Variants in KCNQ3 observed in about 807,000 individuals in gnomAD.
The protein encoded by KCNQ3 is potassium voltage-gated channel subfamily Q member 3.
In KCNQ3, 30 loss-of-function variants were observed where a neutral mutation model predicts 92.5. That is an observed-to-expected ratio of 0.32 (90% CI 0.24 to 0.44). The LOEUF is 0.44. Among genes scored for constraint, KCNQ3 ranks in the 20% least tolerant of loss-of-function variants. KCNQ3 has a pLI of 1.00. For synonymous variants in KCNQ3, 450 were observed against 468.8 expected (o/e 0.96, Z 0.52); for missense variants, 913 against 1,140.3 (o/e 0.80, Z 2.87).
At chr8:132,357,138 C>T (rs1262280868) in intron 1 of KCNQ3, among the ~76,000 whole-genome samples, 2 of 152,136 alleles carry the variant, frequency 1.3e-5, no homozygotes, top group African/African-American at 4.8e-5. Flanking sequence ...CAGAGAATAC[C>T]ATGCTACTCA....
chr8:132,470,846 G>A (rs1822284128), intron 1 of KCNQ3, among the ~76,000 whole-genome samples: 1 of 152,118 alleles, frequency 6.6e-6, no homozygotes, highest in Admixed American at 6.5e-5. Flanking sequence ...GAAGCCTTTG[G>A]AAGAGACCAT....
intron 9 of KCNQ3, among the ~76,000 whole-genome samples, chr8:132,145,423 T>C (rs1156285695): frequency 6.6e-6 from 1 of 152,148 alleles, no homozygotes; most frequent in African/African-American, 2.4e-5. Flanking sequence ...GAGAACTGAG[T>C]TCCAATCTCT....
intron 1 of KCNQ3, among the ~76,000 whole-genome samples, chr8:132,280,846 A>G (rs1816492584): frequency 6.6e-6 from 1 of 152,236 alleles, no homozygotes; most frequent in Non-Finnish European, 1.5e-5. Context: ...TTTGTCACGT[A>G]GTTGGCAGAG....
intron 1 of KCNQ3, among the ~76,000 whole-genome samples, chr8:132,309,630 C>T (rs1012656596): frequency 2.0e-5 from 3 of 152,200 alleles, no homozygotes; most frequent in South Asian, 4.1e-4. Flanking sequence ...TAGCAAGGAC[C>T]ACACACTAGA....
At chr8:132,281,500 AATATGC>A (rs1181080633) in intron 1 of KCNQ3, among the ~76,000 whole-genome samples, 15 of 151,222 alleles carry the variant, frequency 9.9e-5, no homozygotes, top group African/African-American at 3.2e-4. Flanking sequence ...GTATACATGG[AATATGC>A]ATATATATGG....
chr8:132,301,520 T>C (rs1230017192), intron 1 of KCNQ3, among the ~76,000 whole-genome samples: 1 of 152,150 alleles, frequency 6.6e-6, no homozygotes, highest in African/African-American at 2.4e-5. Context: ...GGTCCATAAT[T>C]AAACAACTAA....
chr8:132,403,263 C>T (rs113152345), intron 1 of KCNQ3, among the ~76,000 whole-genome samples: 3 of 152,014 alleles, frequency 2.0e-5, no homozygotes, highest in African/African-American at 7.2e-5. Flanking sequence ...AGAGCCATGA[C>T]CTTGGGCCCT....
At chr8:132,423,990 G>A (rs1821041273) in intron 1 of KCNQ3, among the ~76,000 whole-genome samples, 1 of 152,120 alleles carries the variant, frequency 6.6e-6, no homozygotes, top group African/African-American at 2.4e-5. Context: ...AAAAGCTGCA[G>A]GACTATCTTA....
chr8:132,260,842 C>T (rs1204514064), intron 1 of KCNQ3, among the ~76,000 whole-genome samples: 2 of 152,046 alleles, frequency 1.3e-5, no homozygotes, highest in African/African-American at 4.8e-5. Context: ...TCCAACCATC[C>T]ATCCAAACAT....
chr8:132,153,021 A>G (rs893846004), intron 9 of KCNQ3, among the ~76,000 whole-genome samples: 1 of 152,106 alleles, frequency 6.6e-6, no homozygotes, highest in African/African-American at 2.4e-5. Flanking sequence ...TATGTTTCAA[A>G]ACCTGTTATA....
At chr8:132,150,535 A>G (rs2130010399) in intron 9 of KCNQ3, among the ~76,000 whole-genome samples, 1 of 152,238 alleles carries the variant, frequency 6.6e-6, no homozygotes, top group South Asian at 2.1e-4. Flanking sequence ...AGGAGTGCTC[A>G]CCTTAATTAA....
At chr8:132,327,224 C>T (rs539274248) in intron 1 of KCNQ3, among the ~76,000 whole-genome samples, 1 of 152,280 alleles carries the variant, frequency 6.6e-6, no homozygotes, top group African/African-American at 2.4e-5. Context: ...TGAGAAGAAA[C>T]ATGCCAACCA....
intron 1 of KCNQ3, chr8:132,277,879 A>G (rs1289245171): frequency 7.4e-5 from 67 of 911,454 alleles, no homozygotes; most frequent in Admixed American, 3.1e-4. Context: ...TCTTCTTTTT[A>G]TAATGATCCC....
chr8:132,455,908 A>AT (rs1035304884), intron 1 of KCNQ3, among the ~76,000 whole-genome samples: 249 of 148,906 alleles, frequency 1.7e-3, no homozygotes, highest in African/African-American at 4.4e-3. Flanking sequence ...AGCCTGGCTA[A>AT]TTTTTTTTTT....
intron 1 of KCNQ3, among the ~76,000 whole-genome samples, chr8:132,428,914 C>T (rs918283102): frequency 2.6e-5 from 4 of 151,948 alleles, no homozygotes; most frequent in Admixed American, 6.6e-5. Flanking sequence ...CAGAACATCA[C>T]GTATAATAAA....
intron 1 of KCNQ3, among the ~76,000 whole-genome samples, chr8:132,220,949 A>C (rs1285630919): frequency 1.3e-5 from 2 of 151,924 alleles, no homozygotes; most frequent in Non-Finnish European, 2.9e-5. Flanking sequence ...TATTTCTTCT[A>C]ATGTGATCCC....
At chr8:132,176,437 T>C (rs1369089831) in intron 4 of KCNQ3, among the ~76,000 whole-genome samples, 2 of 152,202 alleles carry the variant, frequency 1.3e-5, no homozygotes, top group South Asian at 2.1e-4. Context: ...TTTATCATAG[T>C]AGGTTGGGCA....
intron 1 of KCNQ3, among the ~76,000 whole-genome samples, chr8:132,468,805 C>T (rs898588107): frequency 6.6e-6 from 1 of 152,152 alleles, no homozygotes; most frequent in African/African-American, 2.4e-5. Flanking sequence ...GAGAAGCCCA[C>T]CTCGGGGGGA....
At chr8:132,364,476 A>G (rs774767329) in intron 1 of KCNQ3, among the ~76,000 whole-genome samples, 2 of 152,192 alleles carry the variant, frequency 1.3e-5, no homozygotes, top group Non-Finnish European at 2.9e-5. Context: ...ACTTCTGTTT[A>G]TCATCTCAAG....
Sources: allele counts gnomAD v4.1 joint callset (sites outside exome capture counted in the v4.1 genomes callset), GRCh38; gene constraint gnomAD v4.1.1; transcripts MANE v1.5; gene names NCBI Gene and HGNC (gene_info 2026-07-23, HGNC 2026-07-21).